TLCD4: variants seen among roughly 807,000 people sequenced by gnomAD.
TLCD4 encodes TLC domain containing 4.
TLCD4 carries 7 observed loss-of-function variants against 24.2 expected under a neutral mutation model. The observed-to-expected ratio is 0.29, with a 90% CI of 0.16 to 0.54. The LOEUF is 0.54. TLCD4 is among the 20% of genes least tolerant of loss of function. The pLI is 0.95. For missense variants in TLCD4, 259 were observed against 313.9 expected (o/e 0.82, Z 1.32); for synonymous variants, 103 against 106.4 (o/e 0.97, Z 0.20).
At chr1:95,189,492 CTA>C (rs1436813848) in intron 6 of TLCD4, among the ~76,000 whole-genome samples, 3 of 152,148 alleles carry the variant, frequency 2.0e-5, no homozygotes, top group Non-Finnish European at 2.9e-5. Context: ...GTATCCACCA[CTA>C]TAGTATTATG....
At chr1:95,101,314 C>A in the TLCD4 span, among the ~76,000 whole-genome samples, 1 of 151,986 alleles carries the variant, frequency 6.6e-6, no homozygotes, top group Non-Finnish European at 1.5e-5. Context: ...AGTACAGTGG[C>A]GTGATCATAG....
chr1:95,191,443 C>T, intron 6 of TLCD4, 107 bp from the exon 7 acceptor site: 1 of 1,366,634 alleles, frequency 7.3e-7, no homozygotes, highest in Non-Finnish European at 9.8e-7. Flanking sequence ...CTATTCTAGG[C>T]CCTTTGCTCC....
intron 3 of TLCD4, 152 bp from the exon 4 acceptor site, chr1:95,150,056 T>G: frequency 4.8e-6 from 5 of 1,042,464 alleles, no homozygotes; most frequent in Non-Finnish European, 5.5e-6. Context: ...TAAACTGTCA[T>G]TGTGTGTTTT....
At position 95,193,299 on chromosome 1, in the gene TLCD4, A is replaced by G. The variant is rs1055490869; in HGVS notation, c.*1431A>G. ...AAAATTATTGTCTGATTATATGAAG[A>G]TAAATGACTGGCGACTCTGGTTGTG... is the stretch of plus-strand genomic sequence containing the variant. On this transcript the variant is annotated 3_prime_UTR_variant, in exon 7 of 7. Transcript: ENST00000370203. 3 of 152,184 alleles carry G rather than the reference A, an allele frequency of 2.0e-5. No homozygotes were observed. The highest frequency in any genetic ancestry group is 4.4e-5 in the Non-Finnish European group (3 of 67,986). 9.4% of individuals were successfully genotyped at this position (152,184 alleles called of 1,614,324 possible).
intron 1 of TLCD4, among the ~76,000 whole-genome samples, chr1:95,122,275 G>A (rs1038434465): frequency 6.6e-6 from 1 of 152,182 alleles, no homozygotes; most frequent in Non-Finnish European, 1.5e-5. Flanking sequence ...CCAGAGAATC[G>A]CTTGAACCTG....
chr1:95,171,232 G>A (rs1388561182), intron 5 of TLCD4, among the ~76,000 whole-genome samples: 1 of 152,008 alleles, frequency 6.6e-6, no homozygotes, highest in African/African-American at 2.4e-5. Flanking sequence ...GATTACTTTT[G>A]TGAGCCACCA....
chr1:95,151,609 G>T (rs1677492761), intron 5 of TLCD4, among the ~76,000 whole-genome samples, 190 bp downstream of exon 5: 1 of 152,010 alleles, frequency 6.6e-6, no homozygotes, highest in Non-Finnish European at 1.5e-5. Context: ...GTCTGTGTTG[G>T]TGTTGGTGTG....
chr1:95,141,809 A>ACACACACACC (rs1487316189), intron 1 of TLCD4, among the ~76,000 whole-genome samples: 2 of 150,568 alleles, frequency 1.3e-5, no homozygotes, highest in Admixed American at 1.3e-4. Flanking sequence ...ACACACACAC[A>ACACACACACC]CACACACACA....
chr1:95,182,102 T>C (rs1678666545), intron 6 of TLCD4, among the ~76,000 whole-genome samples: 1 of 152,200 alleles, frequency 6.6e-6, no homozygotes, highest in Non-Finnish European at 1.5e-5. Flanking sequence ...AGCTCACAGT[T>C]GCAGATAACA....
chr1:95,154,424 C>A (rs1677576370), intron 5 of TLCD4, among the ~76,000 whole-genome samples: 1 of 152,104 alleles, frequency 6.6e-6, no homozygotes, highest in Non-Finnish European at 1.5e-5. Flanking sequence ...ATGCCCTTAG[C>A]AGTGTGTCCC....
intron 1 of TLCD4, among the ~76,000 whole-genome samples, chr1:95,133,705 G>T (rs1355655623): frequency 6.6e-6 from 1 of 152,012 alleles, no homozygotes; most frequent in Non-Finnish European, 1.5e-5. Context: ...ACTCTGAGAG[G>T]GTTGGTTGGA....
At chr1:95,176,434 T>A (rs993588451) in intron 6 of TLCD4, among the ~76,000 whole-genome samples, 8 of 152,048 alleles carry the variant, frequency 5.3e-5, no homozygotes, top group Admixed American at 2.6e-4. Flanking sequence ...CAAGTAATCC[T>A]CCCACCTCGG....
chr1:95,151,247 G>A, intron 4 of TLCD4, 78 bp from the exon 5 acceptor site: 6 of 1,437,302 alleles, frequency 4.2e-6, no homozygotes, highest in South Asian at 3.5e-5. Flanking sequence ...GAGTTGGCAG[G>A]AGAAAGAGTT....
the TLCD4 span, among the ~76,000 whole-genome samples, chr1:95,111,042 A>G: frequency 6.6e-6 from 1 of 152,100 alleles, no homozygotes; most frequent in Non-Finnish European, 1.5e-5. Context: ...CTGTAATCCC[A>G]GTGCTTTGGG....
the TLCD4 span, among the ~76,000 whole-genome samples, chr1:95,110,030 T>C: frequency 1.3e-5 from 2 of 148,850 alleles, no homozygotes; most frequent in Non-Finnish European, 3.0e-5. Context: ...ATTGTTTATA[T>C]ATTTTTTAGT....
the TLCD4 span, among the ~76,000 whole-genome samples, chr1:95,094,826 T>C: frequency 0.34 from 52,078 of 152,094 alleles, 10,389 homozygotes; most frequent in Middle Eastern, 0.45. Context: ...AATAAATAAC[T>C]AAAACATACT....
At chr1:95,093,132 A>T in the TLCD4 span, among the ~76,000 whole-genome samples, 1 of 152,240 alleles carries the variant, frequency 6.6e-6, no homozygotes, top group African/African-American at 2.4e-5. Flanking sequence ...GGCAGTCTCT[A>T]GGAAAACATA....
At chr1:95,144,104 A>G (rs891824689) in intron 2 of TLCD4, 48 bp downstream of exon 2, 1 of 1,323,542 alleles carries the variant, frequency 7.6e-7, no homozygotes. Flanking sequence ...AGTTTATGAG[A>G]TAAAATTATT....
intron 5 of TLCD4, among the ~76,000 whole-genome samples, chr1:95,170,440 C>T (rs1413698295): frequency 6.6e-6 from 1 of 151,672 alleles, no homozygotes; most frequent in Non-Finnish European, 1.5e-5. Context: ...CGCCATTCTC[C>T]TGCCTCAGTC....
Sources: gnomAD v4.1 joint callset for allele counts (sites outside exome capture counted in the v4.1 genomes callset) on GRCh38, gnomAD v4.1.1 for gene constraint, MANE v1.5 for transcripts, NCBI Gene and HGNC (gene_info 2026-07-23, HGNC 2026-07-21) for gene names.